The following AKT2 variants were observed in gnomAD, a reference collection of about 807,000 sequenced individuals.
AKT2 encodes RAC-beta serine/threonine-protein kinase.
In AKT2, 16 loss-of-function variants were observed where a neutral mutation model predicts 58.6. That is an observed-to-expected ratio of 0.27 (90% CI 0.18 to 0.41). The LOEUF (loss-of-function observed/expected upper bound fraction) is 0.41, where lower values mean the gene tolerates loss of function less well. Ranked by LOEUF, AKT2 falls within the 10% of genes least tolerant of loss-of-function variation. The pLI is 1.00. For synonymous variants in AKT2, 253 were observed against 254.0 expected, an observed-to-expected ratio of 1.00 and a Z score of 0.04; for missense variants, 438 against 661.0, an observed-to-expected ratio of 0.66 and a Z score of 3.70.
At chr19:40,246,088 CAAAAAAAAAAAAA>C (rs34293653) in intron 4 of AKT2, among the ~76,000 whole-genome samples, 1 of 87,092 alleles carries the variant, frequency 1.1e-5, no homozygotes, top group Non-Finnish European at 2.5e-5. Context: ...TCCTGTTTTT[CAAAAAAAAAAAAA>C]AAAAAAAGCA....
chr19:40,283,228 C>G (rs374416368), intron 1 of AKT2: 37 of 152,402 alleles, frequency 2.4e-4, no homozygotes, highest in East Asian at 1.3e-3. Context: ...CTCTAGAATT[C>G]AAGTATTCAG....
In AKT2 at chr19:40,230,323, T is replaced by G. The variant is rs926976798; in HGVS notation, c.*3549A>C. On this transcript the variant is annotated 3_prime_UTR_variant, in exon 14 of 14. Coordinates refer to ENST00000392038, the MANE Select transcript of AKT2 (RefSeq NM_001626.6). ...AACAAAAGCACCAGCACAGTACAGA[T>G]GGATAGCTAGTTTATTACAGGACTG... 1.6e-4 allele frequency: 34 copies of G among 209,782 alleles called. 1 individual carries two copies. The highest frequency in any genetic ancestry group is 7.7e-4 in the African/African-American group (34 of 43,936). 13.0% of individuals were successfully genotyped at this position (209,782 alleles called of 1,614,324 possible). A position where few individuals can be genotyped will look rare whatever the true frequency, so the allele number is the denominator to read the frequency against.
chr19:40,274,515 T>G (rs2077273577), intron 1 of AKT2: 1 of 159,420 alleles, frequency 6.3e-6, no homozygotes, highest in African/African-American at 2.4e-5. Flanking sequence ...AATAAATACA[T>G]ACGCAAATTA....
Position 40,230,673 on chromosome 19 carries a change from C to A in AKT2, c.*3199G>T, listed in dbSNP as rs1471822389. 4.5e-6 allele frequency: 1 copy of A among 219,832 alleles called. No homozygotes were observed. Among genetic ancestry groups the A allele is most frequent in the Admixed American group, 5.8e-5 (1 of 17,252 alleles). The allele number at this position is 219,832 out of a possible 1,614,324, so 13.6% of individuals were successfully genotyped here. ...CTGCGACCTCGGGTGAATTTCCTTT[C>A]TTATACTCCTGCTTTGCTGTCTTTT... On this transcript the variant is annotated 3_prime_UTR_variant, in exon 14 of 14. Transcript: ENST00000392038.
intron 1 of AKT2, among the ~76,000 whole-genome samples, chr19:40,284,478 A>T (rs992384438): frequency 6.6e-6 from 1 of 152,264 alleles, no homozygotes; most frequent in East Asian, 1.9e-4. Context: ...TTCCCTCCAG[A>T]GTCGTTAAGA....
rs745605884 is a variant in AKT2, at chr19:40,239,924, C to T, written c.639+121G>A. 3.9e-6 allele frequency: 5 copies of T among 1,270,684 alleles called. No individual in the cohort carries two copies. In the Admixed American group the frequency reaches 6.8e-5, roughly 17 times the overall value. 78.7% of individuals were successfully genotyped at this position (1,270,684 alleles called of 1,614,324 possible). On this transcript the variant is annotated intron_variant, in intron 7 of 13. Coordinates refer to ENST00000392038, the MANE Select transcript of AKT2 (RefSeq NM_001626.6). ...GATGACTTGGCAGGGCGCAGCAACA[C>T]CTTGCCCTGCCCGCCTGGCCTACCC...
In AKT2 at chr19:40,242,369, G is replaced by T; in HGVS notation, c.441+165C>A. ...TTGCTCCCTCCCCTACGGGCATGGA[G>T]CACACCCTAGGGCACCTGCCACCTG... On this transcript the variant is annotated intron_variant, in intron 5 of 13. Transcript: ENST00000392038. The surrounding 1 kb of genome is among the most constrained non-coding windows in gnomAD (Gnocchi z 4.3). The T allele has an allele frequency of 8.7e-7, 1 of 1,149,276 alleles. No homozygotes were observed. The highest frequency in any genetic ancestry group is 1.3e-6 in the Non-Finnish European group (1 of 780,578). 71.2% of individuals were successfully genotyped at this position (1,149,276 alleles called of 1,614,324 possible).
At position 40,232,346 on chromosome 19, in the gene AKT2, G is replaced by A. The variant is rs953913715; in HGVS notation, c.*1526C>T. The A allele has an allele frequency of 8.6e-6, 2 of 233,798 alleles. No homozygotes were observed. Among genetic ancestry groups the A allele is most frequent in the Non-Finnish European group, 1.7e-5 (2 of 118,152 alleles). The allele number at this position is 233,798 out of a possible 1,614,324, so 14.5% of individuals were successfully genotyped here. A position where few individuals can be genotyped will look rare whatever the true frequency, so the allele number is the denominator to read the frequency against. On this transcript the variant is annotated 3_prime_UTR_variant, in exon 14 of 14. Coordinates refer to ENST00000392038, the MANE Select transcript of AKT2 (RefSeq NM_001626.6). Reference sequence around the variant, plus strand: ...GGCTGGGCCCTGGTCTGAAATGAGTGTCTTTATTGCTTGTACCGTACAAAT... The same window carrying A: ...GGCTGGGCCCTGGTCTGAAATGAGTATCTTTATTGCTTGTACCGTACAAAT...
rs893481975 is a variant in AKT2, at chr19:40,242,406, C to G, written c.441+128G>C. 1 of 1,435,654 alleles carries G rather than the reference C, an allele frequency of 7.0e-7. No homozygotes were observed. The highest frequency in any genetic ancestry group is 1.4e-5 in the African/African-American group (1 of 71,512). 88.9% of individuals were successfully genotyped at this position (1,435,654 alleles called of 1,614,324 possible). On this transcript the variant is annotated intron_variant, in intron 5 of 13. Transcript: ENST00000392038. This position sits in a 1 kb window ranked among gnomAD's most constrained non-coding sequence, Gnocchi z 4.3. The stretch of plus-strand genomic sequence containing the variant: ...GCACCTGCCACCTGAAATCACCCCA[C>G]CCTGCAGGGCAGCCTTGTCTCTCAG...
Position 40,265,224 on chromosome 19 carries a change from C to T in AKT2, c.44G>A (p.Arg15His), listed in dbSNP as rs1976263420. 2 of 1,613,074 alleles carry T rather than the reference C, an allele frequency of 1.2e-6. No homozygotes were observed. The highest frequency in any genetic ancestry group is 1.7e-6 in the Non-Finnish European group (2 of 1,179,630). ...SVIKEGWLHK[R>H]GEYIKTWRPR... ...GGCGGGCAAAAGCGGCCTCTTACCA[C>T]GCTTGTGGAGCCAGCCTTCTTTGAT... Residue 15 changes from arginine (R) to histidine (H), a missense_variant and splice_region_variant, in exon 2 of 14, where the codon CGT becomes CAT. Around this residue, in one of 3 missense-constraint regions of AKT2, gnomAD observed 244 missense variants for 347.1 expected, o/e 0.70. Coordinates refer to ENST00000392038, the MANE Select transcript of AKT2 (RefSeq NM_001626.6).
intron 7 of AKT2, chr19:40,239,794 A>T (rs770692563): frequency 1.5e-6 from 1 of 676,110 alleles, no homozygotes; most frequent in Non-Finnish European, 2.7e-6. Flanking sequence ...AAATAATGTG[A>T]TATCTTCAGT....
chr19:40,250,242 C>T (rs1387512460), intron 4 of AKT2, among the ~76,000 whole-genome samples: 1 of 149,004 alleles, frequency 6.7e-6, no homozygotes, highest in Non-Finnish European at 1.5e-5. Flanking sequence ...GTGGCTCACG[C>T]TTGTAATCCC....
intron 1 of AKT2, among the ~76,000 whole-genome samples, chr19:40,281,942 G>A (rs2077430871): frequency 6.6e-6 from 1 of 152,178 alleles, no homozygotes; most frequent in African/African-American, 2.4e-5. Flanking sequence ...TCATCCCCAT[G>A]GCACCGATGA....
intron 1 of AKT2, chr19:40,282,162 G>A (rs2077435302): frequency 4.8e-6 from 1 of 207,954 alleles, no homozygotes; most frequent in Non-Finnish European, 1.0e-5. Context: ...AGGGGGTGGG[G>A]GAGGCTGGAT....
In AKT2 at chr19:40,267,822, G is replaced by C. The variant is rs545009907; in HGVS notation, c.-84-2471C>G. ...CATGAGGCTCACAGTCTGGTGTGAG[G>C]GGCAGAAAAATACACGAATATGCAA... On this transcript the variant is annotated intron_variant, in intron 1 of 13. Coordinates refer to ENST00000392038, the MANE Select transcript of AKT2 (RefSeq NM_001626.6). Among the ~76,000 whole-genome samples, 4 of 152,268 alleles carry C rather than the reference G, an allele frequency of 2.6e-5. No individual in the cohort carries two copies. The East Asian group carries it at 7.7e-4, about 29-fold the overall frequency.
intron 1 of AKT2, among the ~76,000 whole-genome samples, chr19:40,266,718 G>A (rs1976381819): frequency 6.6e-6 from 1 of 152,192 alleles, no homozygotes; most frequent in Admixed American, 6.5e-5. Flanking sequence ...GTCAAAGCAG[G>A]AGAATCCCTT....
chr19:40,244,594 C>T (rs541926632), intron 4 of AKT2, among the ~76,000 whole-genome samples: 1 of 152,246 alleles, frequency 6.6e-6, no homozygotes, highest in East Asian at 1.9e-4. Flanking sequence ...TTGAACCCCC[C>T]GTGTATTTTG....
intron 1 of AKT2, chr19:40,270,918 C>T (rs2077199384): frequency 6.6e-6 from 1 of 151,650 alleles, no homozygotes; most frequent in Admixed American, 6.6e-5. Flanking sequence ...GAGGCTGAGC[C>T]AGGAGGATTG....
chr19:40,275,764 T>TGGGGGGGGGGG (rs1004974778), intron 1 of AKT2, among the ~76,000 whole-genome samples: 5 of 4,740 alleles, frequency 1.1e-3, no homozygotes, highest in Admixed American at 2.7e-3. Context: ...TTTGGGAGGC[T>TGGGGGGGGGGG]GGGGGGGGGG....
Sources: allele counts gnomAD v4.1 joint callset (sites outside exome capture counted in the v4.1 genomes callset), GRCh38; gene constraint gnomAD v4.1.1; regional missense constraint gnomAD v4.1.1; non-coding constraint Gnocchi (gnomAD v3.1); transcripts MANE v1.5; gene names NCBI Gene and HGNC (gene_info 2026-07-23, HGNC 2026-07-21).